ZNF654: variants seen among roughly 807,000 people sequenced by gnomAD.
ZNF654 encodes zinc finger protein 654.
ZNF654 carries 19 observed loss-of-function variants against 95.3 expected under a neutral mutation model. The ratio of observed to expected loss-of-function variants is 0.20; its 90% CI spans 0.14 to 0.29. ZNF654 has a LOEUF of 0.29. Among genes scored for constraint, ZNF654 ranks in the 10% least tolerant of loss-of-function variants. ZNF654 has a pLI of 1.00. For synonymous variants in ZNF654, 413 were observed against 457.9 expected, an observed-to-expected ratio of 0.90 and a Z score of 1.25; for missense variants, 1,046 against 1,341.0, an observed-to-expected ratio of 0.78 and a Z score of 3.44.
intron 2 of ZNF654, among the ~76,000 whole-genome samples, chr3:88,088,656 A>G (rs187286113): frequency 6.6e-6 from 1 of 152,290 alleles, no homozygotes; most frequent in African/African-American, 2.4e-5. Flanking sequence ...ATTGATTTGT[A>G]TATATTTGAA....
intron 1 of ZNF654, among the ~76,000 whole-genome samples, chr3:88,081,557 T>A (rs779234605): frequency 6.6e-6 from 1 of 152,234 alleles, no homozygotes; most frequent in Non-Finnish European, 1.5e-5. Flanking sequence ...ATTATTTGTA[T>A]CAGTATGGAC....
chr3:88,139,863 T>A lies in ZNF654; in HGVS notation c.2194T>A (p.Cys732Ser), dbSNP rs368811288. 20 of 1,603,134 alleles carry A rather than the reference T, an allele frequency of 1.2e-5. No homozygotes were observed. Among genetic ancestry groups the A allele is most frequent in the Non-Finnish European group, 1.7e-5 (20 of 1,174,312 alleles). The stretch of plus-strand genomic sequence containing the variant: ...AATTCATAAAATCAATGGAACTGTG[T>A]GCCATCCAAAAGACATATATGCCAC... ...SVIHKINGTV[C>S]HPKDIYATDQ... The change falls in exon 8 of 9, where the codon TGC (cysteine) becomes AGC (serine). Residue 732 changes from cysteine (C) to serine (S), a missense_variant. By Grantham distance (112) the Cys-to-Ser change is moderately radical (BLOSUM62 -1). Coordinates refer to ENST00000636215, the MANE Select transcript of ZNF654 (RefSeq NM_001350134.2).
Position 88,142,359 on chromosome 3 carries a change from G to A in ZNF654, c.*707G>A, listed in dbSNP as rs960400053. On this transcript the variant is annotated 3_prime_UTR_variant, in exon 9 of 9. Coordinates refer to ENST00000636215, the MANE Select transcript of ZNF654 (RefSeq NM_001350134.2). Reference sequence around the variant, plus strand: ...AGAACCTCCCACTAACCACTTTTGTGGTACAAATTAGTTAACATTTAAAGG... The same window carrying A: ...AGAACCTCCCACTAACCACTTTTGTAGTACAAATTAGTTAACATTTAAAGG... 1.2e-4 allele frequency: 19 copies of A among 152,022 alleles called. No homozygotes were observed. The highest frequency in any genetic ancestry group is 4.1e-4 in the African/African-American group (17 of 41,324). 9.4% of individuals were successfully genotyped at this position (152,022 alleles called of 1,614,324 possible). A position where few individuals can be genotyped will look rare whatever the true frequency, so the allele number is the denominator to read the frequency against.
intron 1 of ZNF654, among the ~76,000 whole-genome samples, chr3:88,073,468 TA>T (rs1390683506): frequency 1.3e-5 from 2 of 152,024 alleles, no homozygotes; most frequent in Non-Finnish European, 2.9e-5. Context: ...AAAGTCTACA[TA>T]AAAAAAGTAA....
chr3:88,128,918 A>G lies in ZNF654; in HGVS notation c.660A>G (p.Ile220Met). 1 of 1,535,638 alleles carries G rather than the reference A, an allele frequency of 6.5e-7. No homozygotes were observed. The highest frequency in any genetic ancestry group is 1.4e-5 in the African/African-American group (1 of 73,122). Reference protein sequence around the residue: ...PEAMALIKSCINHPEISKDLY... With the variant: ...PEAMALIKSCMNHPEISKDLY... Reference sequence around the variant, plus strand: ...CAATGGCTCTTATTAAATCTTGTATAAATCACCCAGAAATCAGTAAAGACT... The same window carrying G: ...CAATGGCTCTTATTAAATCTTGTATGAATCACCCAGAAATCAGTAAAGACT... The change falls in exon 5 of 9, where the codon ATA becomes ATG. Residue 220 changes from isoleucine (I) to methionine (M), a missense_variant. Coordinates refer to ENST00000636215, the MANE Select transcript of ZNF654 (RefSeq NM_001350134.2).
At chr3:88,135,466 A>G (rs1706720000) in intron 7 of ZNF654, 1 of 239,182 alleles carries the variant, frequency 4.2e-6, no homozygotes, top group African/African-American at 2.2e-5. Context: ...TGTTACTTTC[A>G]ATATTATCCT....
At chr3:88,093,581 G>T (rs1703876111) in intron 2 of ZNF654, among the ~76,000 whole-genome samples, 1 of 152,168 alleles carries the variant, frequency 6.6e-6, no homozygotes, top group African/African-American at 2.4e-5. Context: ...TTGTCTTCAT[G>T]GAGCTAAGTG....
intron 8 of ZNF654, 27 bp downstream of exon 8, chr3:88,141,075 G>A: frequency 6.5e-7 from 1 of 1,543,652 alleles, no homozygotes; most frequent in South Asian, 1.3e-5. Context: ...CTTAGTAGAG[G>A]TATCTGTAGA....
intron 2 of ZNF654, among the ~76,000 whole-genome samples, chr3:88,089,199 A>G (rs1390316617): frequency 2.0e-5 from 3 of 151,448 alleles, no homozygotes; most frequent in African/African-American, 7.3e-5. Context: ...ATTAAAAAAA[A>G]AAAAAAAAAA....
At chr3:88,093,550 A>G (rs1703874130) in intron 2 of ZNF654, among the ~76,000 whole-genome samples, 1 of 152,178 alleles carries the variant, frequency 6.6e-6, no homozygotes, top group Non-Finnish European at 1.5e-5. Flanking sequence ...CAAGCTGTCT[A>G]AGAGAAAAGA....
rs1237470108 is a variant in ZNF654 at position 88,134,342 on chromosome 3, A to C, written c.894-719A>C. Among the ~76,000 whole-genome samples the C allele has an allele frequency of 2.0e-5, 3 of 152,092 alleles. No homozygotes were observed. In the East Asian group the frequency reaches 5.8e-4, roughly 29 times the overall value. On this transcript the variant is annotated intron_variant, in intron 6 of 8. Coordinates refer to ENST00000636215, the MANE Select transcript of ZNF654 (RefSeq NM_001350134.2). ...AAAAAATATTTTCATTAATTATTTT[A>C]ATACTTTTAGATTATGATGCTTTGT... is the stretch of plus-strand genomic sequence containing the variant.
chr3:88,104,539 G>C (rs1483629426), intron 2 of ZNF654, among the ~76,000 whole-genome samples: 5 of 152,172 alleles, frequency 3.3e-5, no homozygotes, highest in Admixed American at 3.3e-4. Context: ...AAATTGTAGT[G>C]AAATATTATT....
chr3:88,062,170 T>C (rs770261714), intron 1 of ZNF654, among the ~76,000 whole-genome samples: 85 of 152,334 alleles, frequency 5.6e-4, no homozygotes, highest in Non-Finnish European at 1.1e-3. Context: ...TAACTGATAC[T>C]TAATTTGCTT....
chr3:88,141,334 T>C (rs371752942), intron 8 of ZNF654, among the ~76,000 whole-genome samples: 57 of 55,818 alleles, frequency 1.0e-3, no homozygotes, highest in African/African-American at 2.2e-3. Flanking sequence ...ATTCTTTGAT[T>C]ATACTTCTTC....
At chr3:88,122,030 A>G (rs1705799613) in intron 3 of ZNF654, among the ~76,000 whole-genome samples, 3 of 152,156 alleles carry the variant, frequency 2.0e-5, no homozygotes, top group South Asian at 4.1e-4. Context: ...AGATGTCAAC[A>G]CTTAAGATAG....
At chr3:88,117,053 A>T (rs1452774364) in intron 3 of ZNF654, among the ~76,000 whole-genome samples, 1 of 152,188 alleles carries the variant, frequency 6.6e-6, no homozygotes, top group Admixed American at 6.5e-5. Context: ...ATCTTCCATG[A>T]ATATAAGTGA....
intron 3 of ZNF654, among the ~76,000 whole-genome samples, chr3:88,120,781 T>C (rs1705720944): frequency 6.9e-6 from 1 of 145,162 alleles, no homozygotes; most frequent in Non-Finnish European, 1.5e-5. Context: ...AAATAATGTT[T>C]TAAATTCAAC....
At chr3:88,118,509 TTTA>T (rs1705553899) in intron 3 of ZNF654, among the ~76,000 whole-genome samples, 1 of 151,952 alleles carries the variant, frequency 6.6e-6, no homozygotes, top group Admixed American at 6.6e-5. Flanking sequence ...CCTCCCAGAT[TTTA>T]TTATTTTTAG....
At chr3:88,094,453 G>GGGAAAAGAAATACCCT (rs1248015130) in intron 2 of ZNF654, among the ~76,000 whole-genome samples, 3 of 152,036 alleles carry the variant, frequency 2.0e-5, no homozygotes, top group Non-Finnish European at 2.9e-5. Flanking sequence ...AAGTGATCAG[G>GGGAAAAGAAATACCCT]GGAAAAGAAA....
Sources: gnomAD v4.1 joint callset for allele counts (sites outside exome capture counted in the v4.1 genomes callset) on GRCh38, gnomAD v4.1.1 for gene constraint, MANE v1.5 for transcripts, NCBI Gene and HGNC (gene_info 2026-07-23, HGNC 2026-07-21) for gene names.